Variants in AGBL4 observed in about 807,000 individuals in gnomAD.
AGBL4 encodes cytosolic carboxypeptidase 6.
AGBL4 carries 58 observed loss-of-function variants against 66.4 expected under a neutral mutation model. The ratio of observed to expected loss-of-function variants is 0.87; its 90% CI spans 0.71 to 1.09. The LOEUF (loss-of-function observed/expected upper bound fraction) is 1.09, where lower values mean the gene tolerates loss of function less well. AGBL4 is among the 50% of genes least tolerant of loss of function. AGBL4 has a pLI of 0.00. For missense variants in AGBL4, 579 were observed against 631.0 expected (o/e 0.92, Z 0.88); for synonymous variants, 234 against 222.9 (o/e 1.05, Z -0.44).
chr1:49,695,831 C>A (rs556566548), intron 3 of AGBL4, among the ~76,000 whole-genome samples: 23 of 152,092 alleles, frequency 1.5e-4, no homozygotes, highest in African/African-American at 5.1e-4. Context: ...TGGTGTTGTA[C>A]AAAATTAAAG....
At chr1:49,269,825 T>G (rs1457155578) in intron 3 of AGBL4, among the ~76,000 whole-genome samples, 1 of 152,194 alleles carries the variant, frequency 6.6e-6, no homozygotes, top group African/African-American at 2.4e-5. Flanking sequence ...TTTCTCTGAT[T>G]AATCTGCCTT....
At chr1:48,730,160 A>G (rs774681558) in intron 6 of AGBL4, among the ~76,000 whole-genome samples, 1 of 152,104 alleles carries the variant, frequency 6.6e-6, no homozygotes, top group African/African-American at 2.4e-5. Flanking sequence ...ACGAATCACA[A>G]TCTAATAAAA....
At chr1:49,158,833 C>T (rs1454111488) in intron 4 of AGBL4, among the ~76,000 whole-genome samples, 5 of 151,084 alleles carry the variant, frequency 3.3e-5, no homozygotes, top group Admixed American at 2.6e-4. Context: ...CCTTCTTTGT[C>T]TCTTTTGGTC....
chr1:49,210,384 G>C (rs1340406250), intron 4 of AGBL4, among the ~76,000 whole-genome samples: 2 of 152,062 alleles, frequency 1.3e-5, no homozygotes, highest in Non-Finnish European at 2.9e-5. Flanking sequence ...TCAGAAGTGT[G>C]GGTGTCACTT....
intron 6 of AGBL4, among the ~76,000 whole-genome samples, chr1:48,850,880 G>A (rs1427123667): frequency 6.6e-6 from 1 of 152,168 alleles, no homozygotes; most frequent in South Asian, 2.1e-4. Context: ...ATTTTGAGTC[G>A]GAAAACTTGG....
intron 4 of AGBL4, among the ~76,000 whole-genome samples, chr1:49,239,749 G>A (rs1035214179): frequency 6.6e-5 from 10 of 152,114 alleles, no homozygotes; most frequent in Non-Finnish European, 1.5e-5. Context: ...ACCAGGCATA[G>A]TTCTAGAGCT....
intron 3 of AGBL4, among the ~76,000 whole-genome samples, chr1:49,569,905 AG>A (rs1220608017): frequency 6.6e-6 from 1 of 152,136 alleles, no homozygotes; most frequent in Admixed American, 6.6e-5. Flanking sequence ...CTGCAGCAAA[AG>A]ACATGATTTC....
intron 3 of AGBL4, among the ~76,000 whole-genome samples, chr1:49,553,988 A>G (rs2148842459): frequency 6.6e-6 from 1 of 152,212 alleles, no homozygotes; most frequent in East Asian, 1.9e-4. Flanking sequence ...AAATTTTAAA[A>G]CCTTAGCTGG....
chr1:49,916,833 A>G, intron 1 of AGBL4, among the ~76,000 whole-genome samples: 1 of 152,202 alleles, frequency 6.6e-6, no homozygotes, highest in Non-Finnish European at 1.5e-5. Context: ...GCAGCCAGAG[A>G]GAAAGGTCAG....
chr1:48,565,261 G>A (rs1394498511), intron 11 of AGBL4, among the ~76,000 whole-genome samples: 1 of 152,108 alleles, frequency 6.6e-6, no homozygotes, highest in Non-Finnish European at 1.5e-5. Context: ...AACTCTGGGG[G>A]TCTGAATGGC....
chr1:48,695,614 C>T (rs915066247), intron 6 of AGBL4, among the ~76,000 whole-genome samples: 5 of 152,146 alleles, frequency 3.3e-5, no homozygotes, highest in South Asian at 2.1e-4. Flanking sequence ...GACAGCGGAC[C>T]GGCCCGTTAC....
chr1:49,280,043 A>T (rs1644244121), intron 3 of AGBL4, among the ~76,000 whole-genome samples: 2 of 152,120 alleles, frequency 1.3e-5, no homozygotes, highest in Admixed American at 1.3e-4. Flanking sequence ...AGAACCTAAG[A>T]TTGGCCTTTC....
intron 3 of AGBL4, among the ~76,000 whole-genome samples, chr1:49,666,930 T>C (rs1229358734): frequency 6.6e-6 from 1 of 152,064 alleles, no homozygotes; most frequent in Non-Finnish European, 1.5e-5. Flanking sequence ...TATAATTGTC[T>C]CCAAAGCTTG....
chr1:49,603,929 TACACACACACACACACAC>T lies in AGBL4; in HGVS notation c.282+93366_282+93383del, dbSNP rs60862640. ...TACAGGTGATTAGTATTCCATGGTA[TACACACACACACACACAC>T]ACACACACACACACACACACACACA... is the stretch of plus-strand genomic sequence containing the variant. On this transcript the variant is annotated intron_variant, in intron 3 of 13. Coordinates refer to ENST00000371839, the MANE Select transcript of AGBL4 (RefSeq NM_032785.4). 7.8e-3 allele frequency among the ~76,000 whole-genome samples: 1,095 copies of T among 140,628 alleles called. 11 individuals carry two copies. Among genetic ancestry groups the T allele is most frequent in the South Asian group, 0.016 (68 of 4,136 alleles). The allele number at this position is 140,628 out of a possible 152,430, so 92.3% of individuals were successfully genotyped here.
Position 48,576,643 on chromosome 1 carries a change from T to C in AGBL4, c.1267+10361A>G, listed in dbSNP as rs118012204. On this transcript the variant is annotated intron_variant, in intron 11 of 13. Coordinates refer to ENST00000371839, the MANE Select transcript of AGBL4 (RefSeq NM_032785.4). ...TTGGTAAACCTAGCTTTGTGTTCCC[T>C]TTCCAACCTGATGCCTCAGGACCTG... is the stretch of plus-strand genomic sequence containing the variant. Among the ~76,000 whole-genome samples, 7 of 152,268 alleles carry C rather than the reference T, an allele frequency of 4.6e-5. No individual in the cohort carries two copies. In the East Asian group the frequency reaches 1.4e-3, roughly 29 times the overall value.
chr1:49,419,614 T>C (rs1457776367), intron 3 of AGBL4, among the ~76,000 whole-genome samples: 2 of 152,234 alleles, frequency 1.3e-5, no homozygotes, highest in Non-Finnish European at 2.9e-5. Flanking sequence ...TGGGAGGTTT[T>C]ACATTTCAGT....
chr1:49,632,826 A>G (rs998497652), intron 3 of AGBL4, among the ~76,000 whole-genome samples: 1 of 88,266 alleles, frequency 1.1e-5, no homozygotes, highest in Admixed American at 1.2e-4. Flanking sequence ...CATTGGCCAC[A>G]CTAGAACAGT....
At chr1:48,915,616 C>T (rs72895604) in intron 5 of AGBL4, among the ~76,000 whole-genome samples, 14,275 of 152,078 alleles carry the variant, frequency 0.094, 767 homozygotes, top group Non-Finnish European at 0.11. Context: ...CCTTGGTCAG[C>T]GGAATCAGCA....
chr1:49,025,774 T>C (rs1571259433), intron 5 of AGBL4: 1 of 152,076 alleles, frequency 6.6e-6, no homozygotes, highest in Non-Finnish European at 1.5e-5. Flanking sequence ...ATTGCATTCA[T>C]AGTATAAATA....
Sources: allele counts gnomAD v4.1 joint callset (sites outside exome capture counted in the v4.1 genomes callset), GRCh38; gene constraint gnomAD v4.1.1; transcripts MANE v1.5; gene names NCBI Gene and HGNC (gene_info 2026-07-23, HGNC 2026-07-21).